Variants in SRPK1 observed in about 807,000 individuals in gnomAD.
SRPK1 encodes the protein SRSF protein kinase 1.
SRPK1 carries 52 observed loss-of-function variants against 89.5 expected under a neutral mutation model. That is an observed-to-expected ratio of 0.58 (90% confidence interval 0.46 to 0.73). The LOEUF (loss-of-function observed/expected upper bound fraction) is 0.73. SRPK1 is among the 30% of genes least tolerant of loss of function. SRPK1 has a pLI of 0.00. For synonymous variants in SRPK1, 255 were observed against 270.2 expected (o/e 0.94, Z 0.55); for missense variants, 603 against 780.6 (o/e 0.77, Z 2.71).
chr6:35,846,496 C>A (rs953954469), intron 13 of SRPK1, among the ~76,000 whole-genome samples: 2 of 150,256 alleles, frequency 1.3e-5, no homozygotes, highest in Admixed American at 1.3e-4. Flanking sequence ...GGAGGGTGAG[C>A]CGAGATTGTA....
chr6:35,844,643 T>C (rs551026498), intron 13 of SRPK1, among the ~76,000 whole-genome samples: 1 of 152,336 alleles, frequency 6.6e-6, no homozygotes, highest in South Asian at 2.1e-4. Context: ...TTGCTTGGCA[T>C]TGCTTATTTT....
intron 5 of SRPK1, chr6:35,887,799 G>C (rs1223347789): frequency 2.9e-6 from 1 of 349,922 alleles, no homozygotes; most frequent in African/African-American, 2.1e-5. Flanking sequence ...GTTTTTTTTT[G>C]GTTCATGCGT....
chr6:35,870,527 A>G, intron 9 of SRPK1, 33 bp from the exon 10 acceptor site: 2 of 1,526,770 alleles, frequency 1.3e-6, no homozygotes, highest in Non-Finnish European at 1.8e-6. Context: ...TAAAGCCTTC[A>G]GGTGGCTAAT....
chr6:35,869,398 A>G, intron 11 of SRPK1, 84 bp downstream of exon 11: 2 of 1,487,552 alleles, frequency 1.3e-6, no homozygotes, highest in Non-Finnish European at 1.8e-6. Context: ...CTATAGTTAC[A>G]AAAACAATCA....
At position 35,885,298 on chromosome 6, in the gene SRPK1, CAGAGAGAG is replaced by C. The variant is rs138504486; in HGVS notation, c.478+1418_478+1425del. On this transcript the variant is annotated intron_variant, in intron 6 of 15. Transcript: ENST00000373825. ...ACACACACACACACACACACACACA[CAGAGAGAG>C]AGAGAGAGAGAGAGAGAGAGAGAGC... Among the ~76,000 whole-genome samples, 264 of 113,152 alleles carry C rather than the reference CAGAGAGAG, an allele frequency of 2.3e-3. 1 individual carries two copies. The highest frequency in any genetic ancestry group is 3.2e-3 in the Non-Finnish European group (179 of 55,244). The allele number at this position is 113,152 out of a possible 152,430, so 74.2% of individuals were successfully genotyped here.
At chr6:35,890,807 CTG>C (rs1770502312) in intron 3 of SRPK1, 86 bp downstream of exon 3, 5 of 1,178,786 alleles carry the variant, frequency 4.2e-6, no homozygotes, top group South Asian at 4.0e-5. Flanking sequence ...AGCAATAAAA[CTG>C]TGTTTATGCT....
At chr6:35,860,775 A>C (rs1769764992) in intron 12 of SRPK1, among the ~76,000 whole-genome samples, 1 of 152,184 alleles carries the variant, frequency 6.6e-6, no homozygotes, top group Non-Finnish European at 1.5e-5. Flanking sequence ...ACAGGGAGAA[A>C]GGAAGAGTGA....
In SRPK1 at chr6:35,874,005, T is replaced by G. The variant is rs181919480; in HGVS notation, c.585+228A>C. On this transcript the variant is annotated intron_variant, in intron 7 of 15. Coordinates refer to ENST00000373825, the MANE Select transcript of SRPK1 (RefSeq NM_003137.5). Reference sequence around the variant, plus strand: ...AAGACACCCGGCTAACTTTTTGTATTTTGAGTAGAGAGGAGGTTTCACCAT... The same window carrying G: ...AAGACACCCGGCTAACTTTTTGTATGTTGAGTAGAGAGGAGGTTTCACCAT... Among the ~76,000 whole-genome samples the G allele has an allele frequency of 6.6e-5, 10 of 150,810 alleles. No homozygotes were observed. In the Admixed American group the frequency reaches 6.6e-4, roughly 10 times the overall value.
rs569397439 is a variant in SRPK1, at chr6:35,874,063, G to A, written c.585+170C>T. 1.2e-4 allele frequency among the ~76,000 whole-genome samples: 17 copies of A among 145,132 alleles called. No individual in the cohort carries two copies. The South Asian group carries it at 3.1e-3, about 27-fold the overall frequency. ...AGGATGGTCTTGATCTCCTGACCTC[G>A]TGATCTGCCCGCCTCGGCCTCCCAA... On this transcript the variant is annotated intron_variant, in intron 7 of 15. Coordinates refer to ENST00000373825, the MANE Select transcript of SRPK1 (RefSeq NM_003137.5).
intron 6 of SRPK1, 52 bp from the exon 7 acceptor site, chr6:35,874,391 G>A (rs1164314651): frequency 1.4e-5 from 17 of 1,247,814 alleles, no homozygotes; most frequent in African/African-American, 5.9e-5. Flanking sequence ...AACACGGCAA[G>A]ACAAGCTGTG....
chr6:35,871,863 T>C (rs887460299), intron 8 of SRPK1, among the ~76,000 whole-genome samples: 1 of 152,174 alleles, frequency 6.6e-6, no homozygotes, highest in African/African-American at 2.4e-5. Flanking sequence ...TGCCCCAGCC[T>C]CCTGAGTAAA....
rs549860021 is a variant in SRPK1 at position 35,890,588 on chromosome 6, T to C, written c.193+307A>G. On this transcript the variant is annotated intron_variant, in intron 3 of 15. Coordinates refer to ENST00000373825, the MANE Select transcript of SRPK1 (RefSeq NM_003137.5). ...AATCTATATGCCAAAATGTTATCAC[T>C]GGTTATATGTGGCTGATAGCATTGC... Among the ~76,000 whole-genome samples the C allele has an allele frequency of 5.3e-5, 8 of 152,376 alleles. No homozygotes were observed. In the East Asian group the frequency reaches 1.3e-3, roughly 26 times the overall value.
intron 13 of SRPK1, among the ~76,000 whole-genome samples, chr6:35,853,018 T>C (rs1234092291): frequency 6.6e-6 from 1 of 152,154 alleles, no homozygotes; most frequent in African/African-American, 2.4e-5. Context: ...GGTAGGATGA[T>C]CGTTTGAAGC....
intron 13 of SRPK1, 117 bp from the exon 14 acceptor site, chr6:35,842,721 T>C (rs369793070): frequency 6.4e-6 from 3 of 465,792 alleles, no homozygotes; most frequent in Admixed American, 4.3e-5. Context: ...AACTTATAGA[T>C]CATTTAAAAA....
rs538911662 is a variant in SRPK1 at position 35,897,427 on chromosome 6, A to T, written c.75-6414T>A. On this transcript the variant is annotated intron_variant, in intron 2 of 15. Transcript: ENST00000373825. ...CTATTAATAAAATAAACAAAAAGCAATGGGTAAAAGTAGTTGCTTTAGGAA... is the reference window on the plus strand; with the variant it reads ...CTATTAATAAAATAAACAAAAAGCATTGGGTAAAAGTAGTTGCTTTAGGAA... Among the ~76,000 whole-genome samples the T allele has an allele frequency of 1.5e-3, 223 of 152,340 alleles. 3 individuals are homozygous for T. The highest frequency in any genetic ancestry group is 5.0e-3 in the African/African-American group (207 of 41,590).
chr6:35,893,328 C>T (rs147285024), intron 2 of SRPK1, among the ~76,000 whole-genome samples: 536 of 151,852 alleles, frequency 3.5e-3, no homozygotes, highest in Middle Eastern at 6.8e-3. Context: ...TTAAGAAAAA[C>T]GCAAAAATTA....
rs774384582 is a variant in SRPK1, at chr6:35,869,047, T to C, written c.1475A>G (p.Lys492Arg). 6.2e-7 allele frequency: 1 copy of C among 1,613,968 alleles called. No homozygotes were observed. The highest frequency in any genetic ancestry group is 1.3e-5 in the African/African-American group (1 of 74,930). ...PLEPKNAEKL[K>R]VKIADLGNAC... ...ATTTCCAAGGTCAGCAATCTTCACC[T>C]TGAGCTTTTCTGCATTTTTTGGCTC... The change falls in exon 12 of 16, where the codon AAG becomes AGG. Residue 492 changes from lysine to arginine, a missense_variant. Coordinates refer to ENST00000373825, the MANE Select transcript of SRPK1 (RefSeq NM_003137.5).
intron 2 of SRPK1, among the ~76,000 whole-genome samples, chr6:35,916,813 C>A (rs1771113041): frequency 6.6e-6 from 1 of 152,242 alleles, no homozygotes. Context: ...AATACCAGCA[C>A]TATGAGAGGC....
intron 3 of SRPK1, 114 bp from the exon 4 acceptor site, chr6:35,889,037 GTTTC>G: frequency 6.3e-6 from 4 of 634,862 alleles, no homozygotes; most frequent in Non-Finnish European, 8.3e-6. Context: ...TCAATAAAAA[GTTTC>G]TTTTATACAA....
Sources: gnomAD v4.1 joint callset for allele counts (sites outside exome capture counted in the v4.1 genomes callset) on GRCh38, gnomAD v4.1.1 for gene constraint, MANE v1.5 for transcripts, NCBI Gene and HGNC (gene_info 2026-07-23, HGNC 2026-07-21) for gene names.